The following CIAO2B variants were observed in gnomAD, a reference collection of about 807,000 sequenced individuals.
CIAO2B encodes the protein MSS19-interacting protein of 18 kDa.
Under a neutral mutation model 16.4 loss-of-function variants are expected in CIAO2B, and 20 were observed. That is an observed-to-expected ratio of 1.22 (90% CI 0.86 to 1.77). The LOEUF is 1.77. Ranked by LOEUF, CIAO2B falls within the 40% of genes most tolerant of loss-of-function variation. The pLI is 0.00. For missense variants in CIAO2B, 215 were observed against 222.4 expected (o/e 0.97, Z 0.21); for synonymous variants, 106 against 90.4 (o/e 1.17, Z -0.98).
At chr16:66,932,393 T>C in intron 4 of CIAO2B, 93 bp from the exon 5 acceptor site, 3 of 969,572 alleles carry the variant, frequency 3.1e-6, no homozygotes, top group South Asian at 1.4e-5. Context: ...CTATATAGGA[T>C]ATGTCCCCCG....
At chr16:66,932,391 G>T in intron 4 of CIAO2B, 91 bp from the exon 5 acceptor site, 1 of 981,544 alleles carries the variant, frequency 1.0e-6, no homozygotes, top group Non-Finnish European at 1.6e-6. Flanking sequence ...CTCTATATAG[G>T]ATATGTCCCC....
chr16:66,932,548 GTCC>G (rs1567543441), intron 4 of CIAO2B: 2 of 722,806 alleles, frequency 2.8e-6, no homozygotes, highest in Non-Finnish European at 5.0e-6. Flanking sequence ...ACACACTCTG[GTCC>G]TGTATATTTG....
Position 66,933,615 on chromosome 16 carries a change from TTGAAAC to T in CIAO2B, c.341_346del (p.Arg114_Lys116delinsGln), listed in dbSNP as rs1250483075. Reference sequence around the variant, plus strand: ...TCCCGGGGCTCAGCTCCAACTGACCTTGAAACGCTGAGGAAGGGAGCGCAGAAGCTT... The same window carrying T: ...TCCCGGGGCTCAGCTCCAACTGACCTGCTGAGGAAGGGAGCGCAGAAGCTT... On this transcript the variant is annotated inframe_deletion and splice_region_variant, in exon 3 of 5. Coordinates refer to ENST00000422424, the MANE Select transcript of CIAO2B (RefSeq NM_016062.4). The T allele has an allele frequency of 1.2e-6, 2 of 1,609,650 alleles. No homozygotes were observed. Among genetic ancestry groups the T allele is most frequent in the Admixed American group, 3.4e-5 (2 of 59,476 alleles).
chr16:66,932,585 G>T (rs1963076160), intron 4 of CIAO2B, 195 bp downstream of exon 4: 1 of 748,968 alleles, frequency 1.3e-6, no homozygotes, highest in Non-Finnish European at 2.4e-6. Flanking sequence ...TGGGAGAAGA[G>T]GACATGGTAA....
chr16:66,933,805 T>A, intron 2 of CIAO2B, 66 bp from the exon 3 acceptor site: 2 of 1,543,512 alleles, frequency 1.3e-6, no homozygotes, highest in African/African-American at 1.4e-5. Context: ...TCTTAGTTTG[T>A]TGTTTTGGGC....
rs1343818607 is a variant in CIAO2B, at chr16:66,933,663, C to T, written c.299G>A (p.Gly100Asp). The change falls in exon 3 of 5, where the codon GGT (glycine) becomes GAT (aspartate). Residue 100 changes from glycine to aspartate, a missense_variant. Physicochemically the swap from Gly to Asp is moderately conservative, Grantham distance 94. Coordinates refer to ENST00000422424, the MANE Select transcript of CIAO2B (RefSeq NM_016062.4). ...IPHCSMATLI[G>D]LSIKVKLLRS... ...CAGAAGCTTGACCTTGATGGACAGACCAATAAGGGTGGCCATGCTGCAGTG... is the reference window on the plus strand; with the variant it reads ...CAGAAGCTTGACCTTGATGGACAGATCAATAAGGGTGGCCATGCTGCAGTG... The T allele has an allele frequency of 6.2e-7, 1 of 1,606,934 alleles. No individual in the cohort carries two copies.
Position 66,932,575 on chromosome 16 carries a change from T to C in CIAO2B, c.394+205A>G, listed in dbSNP as rs767517646. The C allele has an allele frequency of 4.1e-6, 3 of 738,436 alleles. No individual in the cohort carries two copies. In the South Asian group the frequency reaches 4.5e-5, roughly 11 times the overall value. 45.7% of individuals were successfully genotyped at this position (738,436 alleles called of 1,614,324 possible). A position where few individuals can be genotyped will look rare whatever the true frequency, so the allele number is the denominator to read the frequency against. Reference sequence around the variant, plus strand: ...CCTGTATATTTGGTGAGAGGGGATTTGGGAGAAGAGGACATGGTAAGCAAA... The same window carrying C: ...CCTGTATATTTGGTGAGAGGGGATTCGGGAGAAGAGGACATGGTAAGCAAA... On this transcript the variant is annotated intron_variant, in intron 4 of 4. Coordinates refer to ENST00000422424, the MANE Select transcript of CIAO2B (RefSeq NM_016062.4).
Position 66,933,611 on chromosome 16 carries a change from G to T in CIAO2B, c.348+3C>A. 6.2e-7 allele frequency: 1 copy of T among 1,609,490 alleles called. No homozygotes were observed. Among genetic ancestry groups the T allele is most frequent in the South Asian group, 1.1e-5 (1 of 90,060 alleles). ...TCACTCCCGGGGCTCAGCTCCAACT[G>T]ACCTTGAAACGCTGAGGAAGGGAGC... On this transcript the variant is annotated splice_donor_region_variant and intron_variant, in intron 3 of 4. Transcript: ENST00000422424.
chr16:66,934,128 G>A lies in CIAO2B; in HGVS notation c.143-62C>T. On this transcript the variant is annotated intron_variant, in intron 1 of 4. Coordinates refer to ENST00000422424, the MANE Select transcript of CIAO2B (RefSeq NM_016062.4). The surrounding 1 kb of genome is among the most constrained non-coding windows in gnomAD (Gnocchi z 4.1). ...CCACTTAGAACCCTCTGCCAGGAAC[G>A]CCCTGCTGGGATGCGGCTCCACCAG... The A allele has an allele frequency of 1.2e-6, 2 of 1,611,478 alleles. No homozygotes were observed. The highest frequency in any genetic ancestry group is 1.7e-6 in the Non-Finnish European group (2 of 1,178,974).
rs1293574350 is a variant in CIAO2B, at chr16:66,934,203, C to G, written c.142+20G>C. ...ACCGCAAGCCCCCGGAACCCGCCCG[C>G]GCCCAGCAGCGGCGGATATCGAAGA... On this transcript the variant is annotated intron_variant, in intron 1 of 4. Transcript: ENST00000422424. This position sits in a 1 kb window ranked among gnomAD's most constrained non-coding sequence, Gnocchi z 4.1. 1 of 1,608,078 alleles carries G rather than the reference C, an allele frequency of 6.2e-7. No homozygotes were observed. The highest frequency in any genetic ancestry group is 8.5e-7 in the Non-Finnish European group (1 of 1,177,450).
Position 66,934,095 on chromosome 16 carries a change from G to A in CIAO2B, c.143-29C>T, listed in dbSNP as rs1567544393. On this transcript the variant is annotated intron_variant, in intron 1 of 4. Coordinates refer to ENST00000422424, the MANE Select transcript of CIAO2B (RefSeq NM_016062.4). This position sits in a 1 kb window ranked among gnomAD's most constrained non-coding sequence, Gnocchi z 4.1. ...GGAAGTGAAGGAAAAGGGACTCTGC[G>A]CCCTTGCCCACTTAGAACCCTCTGC... 2 of 1,612,796 alleles carry A rather than the reference G, an allele frequency of 1.2e-6. No homozygotes were observed. The highest frequency in any genetic ancestry group is 1.7e-6 in the Non-Finnish European group (2 of 1,179,490).
intron 3 of CIAO2B, 146 bp downstream of exon 3, chr16:66,933,468 G>A (rs1963103576): frequency 2.8e-6 from 3 of 1,073,760 alleles, no homozygotes; most frequent in East Asian, 5.2e-5. Flanking sequence ...GACTTGGAAA[G>A]CTTCCTCCCA....
At chr16:66,932,669 TCA>T in intron 4 of CIAO2B, 109 bp downstream of exon 4, 2 of 1,309,096 alleles carry the variant, frequency 1.5e-6, no homozygotes, top group East Asian at 2.5e-5. Context: ...GCAATTTCAC[TCA>T]CACAGTTACC....
chr16:66,934,017 C>G lies in CIAO2B; in HGVS notation c.192G>C (p.Glu64Asp). 1 of 1,613,826 alleles carries G rather than the reference C, an allele frequency of 6.2e-7. No homozygotes were observed. Among genetic ancestry groups the G allele is most frequent in the South Asian group, 1.1e-5 (1 of 91,062 alleles). ...CCCGCACCTGCTCTACTACGTTCAA[C>G]TCCTCTAGCGTCAGTGGATGCTCCG... ...NDPEHPLTLE[E>D]LNVVEQVRVQ... is the part of the protein sequence containing the mutation. The change falls in exon 2 of 5, where the codon GAG becomes GAC. Residue 64 changes from glutamate (E) to aspartate (D), a missense_variant. Glu to Asp is a conservative substitution (Grantham distance 45). Transcript: ENST00000422424. This position sits in a 1 kb window ranked among gnomAD's most constrained non-coding sequence, Gnocchi z 4.1.
Position 66,933,645 on chromosome 16 carries a change from T to C in CIAO2B, c.317A>G (p.Lys106Arg). ...ATLIGLSIKV[K>R]LLRSLPQRFK... ...ACGCTGAGGAAGGGAGCGCAGAAGC[T>C]TGACCTTGATGGACAGACCAATAAG... is the stretch of plus-strand genomic sequence containing the variant. Residue 106 changes from lysine to arginine, a missense_variant, in exon 3 of 5, where the codon AAG becomes AGG. Transcript: ENST00000422424. The C allele has an allele frequency of 6.2e-7, 1 of 1,608,620 alleles. No homozygotes were observed. Among genetic ancestry groups the C allele is most frequent in the Non-Finnish European group, 8.5e-7 (1 of 1,177,564 alleles).
intron 3 of CIAO2B, chr16:66,933,399 G>T: frequency 1.5e-6 from 1 of 670,548 alleles, no homozygotes; most frequent in Non-Finnish European, 2.4e-6. Context: ...TGCCCTTCCT[G>T]CCACACTCTT....
chr16:66,932,514 T>G (rs747020262), intron 4 of CIAO2B: 18 of 717,096 alleles, frequency 2.5e-5, no homozygotes, highest in Middle Eastern at 2.3e-4. Flanking sequence ...TCCCCCTGGC[T>G]GCCTCCTGCG....
chr16:66,932,464 C>T, intron 4 of CIAO2B, 164 bp from the exon 5 acceptor site: 1 of 736,858 alleles, frequency 1.4e-6, no homozygotes, highest in Non-Finnish European at 2.4e-6. Context: ...CAGGCTACTT[C>T]AACCACCTGA....
rs1202435209 is a variant in CIAO2B at position 66,934,017 on chromosome 16, C to T, written c.192G>A (p.Glu64=). Residue 64 remains glutamate (E), a synonymous_variant, in exon 2 of 5, where the codon GAG becomes GAA. Coordinates refer to ENST00000422424, the MANE Select transcript of CIAO2B (RefSeq NM_016062.4). This position sits in a 1 kb window ranked among gnomAD's most constrained non-coding sequence, Gnocchi z 4.1. The part of the protein sequence containing the change: ...NDPEHPLTLE[E]LNVVEQVRVQ... ...CCCGCACCTGCTCTACTACGTTCAA[C>T]TCCTCTAGCGTCAGTGGATGCTCCG... is the stretch of plus-strand genomic sequence containing the variant. The T allele has an allele frequency of 3.1e-6, 5 of 1,613,708 alleles. No individual in the cohort carries two copies. The highest frequency in any genetic ancestry group is 4.2e-6 in the Non-Finnish European group (5 of 1,179,882).
Sources: gnomAD v4.1 joint callset for allele counts on GRCh38, gnomAD v4.1.1 for gene constraint, Gnocchi (gnomAD v3.1) non-coding constraint, MANE v1.5 for transcripts, NCBI Gene and HGNC (gene_info 2026-07-23, HGNC 2026-07-21) for gene names.